Variants in DNAH7 observed in about 807,000 individuals in gnomAD.
The protein encoded by DNAH7 is axonemal beta dynein heavy chain 7.
DNAH7 carries 397 observed loss-of-function variants against 444.6 expected under a neutral mutation model. The observed-to-expected ratio is 0.89, with a 90% CI of 0.82 to 0.97. DNAH7 has a LOEUF of 0.97. Ranked by LOEUF, DNAH7 falls within the 50% of genes least tolerant of loss-of-function variation. The pLI is 0.00. For missense variants in DNAH7, 4,902 were observed against 4,800.8 expected, an observed-to-expected ratio of 1.02 and a Z score of -0.62; for synonymous variants, 1,636 against 1,624.4, an observed-to-expected ratio of 1.01 and a Z score of -0.17.
intron 19 of DNAH7, among the ~76,000 whole-genome samples, chr2:195,956,895 G>A (rs1212087686): frequency 6.6e-6 from 1 of 152,052 alleles, no homozygotes; most frequent in East Asian, 1.9e-4. Flanking sequence ...ACTGACATGT[G>A]TGCACCACAG....
chr2:195,984,111 A>G (rs1692748072), intron 15 of DNAH7, among the ~76,000 whole-genome samples: 1 of 152,148 alleles, frequency 6.6e-6, no homozygotes, highest in Non-Finnish European at 1.5e-5. Flanking sequence ...ATTTGCTTGT[A>G]TGTCTGTACC....
chr2:195,936,620 G>A lies in DNAH7; in HGVS notation c.3251C>T (p.Ser1084Phe). Residue 1084 changes from serine to phenylalanine, a missense_variant, in exon 20 of 65, where the codon TCT becomes TTT. Transcript: ENST00000312428. The stretch of plus-strand genomic sequence containing the variant: ...TTACCTAGTGGGATCTTTAGTCTCA[G>A]ATAGTATCTCAAGAAGTTCATCATT... ...LSNDELLEILSETKDPTRVQP... is the reference protein window; with the variant it reads ...LSNDELLEILFETKDPTRVQP... The A allele has an allele frequency of 6.3e-7, 1 of 1,597,860 alleles. No individual in the cohort carries two copies. Among genetic ancestry groups the A allele is most frequent in the Non-Finnish European group, 8.5e-7 (1 of 1,175,536 alleles).
chr2:195,969,320 A>G (rs756997691), intron 17 of DNAH7, among the ~76,000 whole-genome samples: 16 of 152,220 alleles, frequency 1.1e-4, no homozygotes, highest in Non-Finnish European at 2.9e-5. Flanking sequence ...AACTAATAAG[A>G]TATTAAGATC....
chr2:196,040,093 A>C (rs1342838861), intron 5 of DNAH7, among the ~76,000 whole-genome samples: 1 of 152,120 alleles, frequency 6.6e-6, no homozygotes, highest in African/African-American at 2.4e-5. Context: ...AAGTCTCCCC[A>C]AAAAGAAAAG....
intron 40 of DNAH7, among the ~76,000 whole-genome samples, chr2:195,871,801 G>A (rs1700714056): frequency 1.1e-5 from 1 of 89,872 alleles, no homozygotes; most frequent in Admixed American, 9.6e-5. Flanking sequence ...CGTAGTGGCG[G>A]GCGCCTGTAG....
intron 61 of DNAH7, among the ~76,000 whole-genome samples, chr2:195,764,649 A>C (rs1694491490): frequency 6.6e-6 from 1 of 152,112 alleles, no homozygotes; most frequent in Non-Finnish European, 1.5e-5. Context: ...ATAGCTACAA[A>C]AAGATAAAAT....
chr2:195,826,230 T>C (rs1264604872), intron 48 of DNAH7, among the ~76,000 whole-genome samples: 8 of 152,222 alleles, frequency 5.3e-5, no homozygotes, highest in Non-Finnish European at 1.0e-4. Context: ...CCAAGTTACT[T>C]TCCTGAAAAG....
At position 196,027,039 on chromosome 2, in the gene DNAH7, A is replaced by G. The variant is rs536685269; in HGVS notation, c.487-99T>C. 121 of 854,026 alleles carry G rather than the reference A, an allele frequency of 1.4e-4. No individual in the cohort carries two copies. In the African/African-American group the frequency reaches 1.9e-3, roughly 13 times the overall value. The allele number at this position is 854,026 out of a possible 1,614,324, so 52.9% of individuals were successfully genotyped here. A position where few individuals can be genotyped will look rare whatever the true frequency, so the allele number is the denominator to read the frequency against. Reference sequence around the variant, plus strand: ...CAAAATTCAAGTTTTAGGAGAACAAAGTATTTATAAAGCATAAAAAAGTAT... The same window carrying G: ...CAAAATTCAAGTTTTAGGAGAACAAGGTATTTATAAAGCATAAAAAAGTAT... On this transcript the variant is annotated intron_variant, in intron 6 of 64. Coordinates refer to ENST00000312428, the MANE Select transcript of DNAH7 (RefSeq NM_018897.3).
intron 36 of DNAH7, among the ~76,000 whole-genome samples, chr2:195,876,991 G>C (rs1276895592): frequency 6.6e-6 from 1 of 152,140 alleles, no homozygotes; most frequent in Non-Finnish European, 1.5e-5. Context: ...AGTTCTCCGA[G>C]ATGGGCAAGA....
intron 63 of DNAH7, among the ~76,000 whole-genome samples, chr2:195,746,858 G>A (rs1693446973): frequency 6.6e-6 from 1 of 152,072 alleles, no homozygotes; most frequent in South Asian, 2.1e-4. Flanking sequence ...TGTGTAGAGG[G>A]AAATTTATAG....
In DNAH7 at chr2:195,737,957, T is replaced by C; in HGVS notation, c.12039A>G (p.Gly4013=). 1.2e-6 allele frequency: 2 copies of C among 1,614,078 alleles called. No individual in the cohort carries two copies. The highest frequency in any genetic ancestry group is 1.7e-6 in the Non-Finnish European group (2 of 1,179,926). Residue 4013 remains glycine (G), a synonymous_variant, in exon 65 of 65, where the codon GGA becomes GGG. Transcript: ENST00000312428. ...GTTGACATAACAGTGCTACACCTCG[T>C]CCAATCCAGTGTTCCTTGGGTTGGT... The part of the protein sequence containing the change: ...PSDQPKEHWI[G]RGVALLCQLN...
intron 5 of DNAH7, among the ~76,000 whole-genome samples, chr2:196,038,445 A>C (rs959947954): frequency 9.2e-5 from 14 of 152,184 alleles, no homozygotes; most frequent in Non-Finnish European, 1.6e-4. Flanking sequence ...AACAACCAGA[A>C]AACAATCATT....
rs1395134456 is a variant in DNAH7, at chr2:195,794,209, A to AATCT, written c.10716+128_10716+129insAGAT. On this transcript the variant is annotated intron_variant, in intron 57 of 64. Coordinates refer to ENST00000312428, the MANE Select transcript of DNAH7 (RefSeq NM_018897.3). ...AGCACAGTCAATAATCAGTTATCAAAACCTACTGCACTGCGGTGCAGGAGG... is the reference window on the plus strand; with the variant it reads ...AGCACAGTCAATAATCAGTTATCAAAATCTACCTACTGCACTGCGGTGCAGGAGG... 27 of 747,486 alleles carry AATCT rather than the reference A, an allele frequency of 3.6e-5. No individual in the cohort carries two copies. In the Admixed American group the frequency reaches 6.8e-4, roughly 19 times the overall value. 46.3% of individuals were successfully genotyped at this position (747,486 alleles called of 1,614,324 possible).
At chr2:195,816,404 T>C (rs1697220998) in intron 51 of DNAH7, among the ~76,000 whole-genome samples, 1 of 152,222 alleles carries the variant, frequency 6.6e-6, no homozygotes, top group Admixed American at 6.5e-5. Flanking sequence ...AGAATTACAT[T>C]ATAATTCTAG....
At chr2:195,943,234 A>G (rs1048726304) in intron 19 of DNAH7, among the ~76,000 whole-genome samples, 2 of 152,154 alleles carry the variant, frequency 1.3e-5, no homozygotes, top group Non-Finnish European at 2.9e-5. Context: ...GCAGCATGAG[A>G]ACAGACGAAC....
At chr2:196,039,436 T>A (rs1179308718) in intron 5 of DNAH7, among the ~76,000 whole-genome samples, 3 of 151,792 alleles carry the variant, frequency 2.0e-5, no homozygotes, top group African/African-American at 7.3e-5. Context: ...CTTAAGGAAA[T>A]AGAAAAGCAA....
At chr2:195,756,758 G>A (rs1343841336) in intron 61 of DNAH7, among the ~76,000 whole-genome samples, 2 of 152,102 alleles carry the variant, frequency 1.3e-5, no homozygotes, top group Non-Finnish European at 1.5e-5. Flanking sequence ...CTTTGGGGCC[G>A]AGGCAGGTGA....
intron 33 of DNAH7, among the ~76,000 whole-genome samples, chr2:195,886,822 T>C (rs192692618): frequency 1.3e-5 from 2 of 152,268 alleles, no homozygotes; most frequent in Admixed American, 6.5e-5. Flanking sequence ...TAGAACTATG[T>C]AGCATATAGC....
intron 33 of DNAH7, 21 bp from the exon 34 acceptor site, chr2:195,886,293 A>AT (rs1295158634): frequency 1.6e-5 from 25 of 1,603,318 alleles, no homozygotes; most frequent in Non-Finnish European, 2.1e-5. Flanking sequence ...AGTAAGAAAA[A>AT]TGACTAAACA....
Sources: gnomAD v4.1 joint callset for allele counts (sites outside exome capture counted in the v4.1 genomes callset) on GRCh38, gnomAD v4.1.1 for gene constraint, MANE v1.5 for transcripts, NCBI Gene and HGNC (gene_info 2026-07-23, HGNC 2026-07-21) for gene names.